The following CADM2 variants were observed in gnomAD, a reference collection of about 807,000 sequenced individuals.
CADM2 encodes cell adhesion molecule 2.
CADM2 carries 12 observed loss-of-function variants against 49.8 expected under a neutral mutation model. That is an observed-to-expected ratio of 0.24 (90% confidence interval 0.15 to 0.39). CADM2 has a LOEUF of 0.39. Among genes scored for constraint, CADM2 ranks in the 10% least tolerant of loss-of-function variants. CADM2 has a pLI of 1.00. For synonymous variants in CADM2, 214 were observed against 175.4 expected, an observed-to-expected ratio of 1.22 and a Z score of -1.74; for missense variants, 378 against 492.3, an observed-to-expected ratio of 0.77 and a Z score of 2.20.
chr3:85,315,517 ATAGT>A (rs912922830), intron 1 of CADM2, among the ~76,000 whole-genome samples: 11 of 152,180 alleles, frequency 7.2e-5, no homozygotes, highest in South Asian at 2.1e-4. Context: ...AAAACTGGTA[ATAGT>A]TAGAGTGTAG....
At chr3:85,381,291 CA>C (rs67566570) in intron 1 of CADM2, among the ~76,000 whole-genome samples, 13,865 of 151,496 alleles carry the variant, frequency 0.092, 2,050 homozygotes, top group African/African-American at 0.31. Context: ...GCTGGTTAGG[CA>C]TTACATGTAA....
At chr3:85,073,527 C>G (rs995771031) in intron 1 of CADM2, among the ~76,000 whole-genome samples, 2 of 152,094 alleles carry the variant, frequency 1.3e-5, no homozygotes, top group South Asian at 2.1e-4. Flanking sequence ...TGGAAACCCT[C>G]TAATGAATCC....
chr3:85,629,025 G>A (rs898741865), intron 1 of CADM2, among the ~76,000 whole-genome samples: 1 of 151,692 alleles, frequency 6.6e-6, no homozygotes, highest in Non-Finnish European at 1.5e-5. Flanking sequence ...CTTTATTTCA[G>A]ACAGAAATAT....
chr3:85,212,881 T>TCTTTCTTC (rs2041829325), intron 1 of CADM2, among the ~76,000 whole-genome samples: 4 of 134,368 alleles, frequency 3.0e-5, no homozygotes, highest in Admixed American at 2.2e-4. Flanking sequence ...TTTCTTTCTT[T>TCTTTCTTC]CTTTCTCTTT....
rs930416950 is a variant in CADM2, at chr3:86,068,850, T to C, written c.*2067T>C. ...ATGCTTGTTTTTACAGTTCACTCCA[T>C]ACCATCTGTGGAAAAATGCAATAAT... On this transcript the variant is annotated 3_prime_UTR_variant, in exon 10 of 10. Coordinates refer to ENST00000383699, the MANE Select transcript of CADM2 (RefSeq NM_001167675.2). 1.3e-5 allele frequency: 2 copies of C among 152,398 alleles called. No homozygotes were observed. The highest frequency in any genetic ancestry group is 2.9e-5 in the Non-Finnish European group (2 of 67,858). 9.4% of individuals were successfully genotyped at this position (152,398 alleles called of 1,614,324 possible). A position where few individuals can be genotyped will look rare whatever the true frequency, so the allele number is the denominator to read the frequency against.
chr3:85,663,277 A>G (rs1370922365), intron 1 of CADM2, among the ~76,000 whole-genome samples: 2 of 152,058 alleles, frequency 1.3e-5, no homozygotes, highest in African/African-American at 4.8e-5. Flanking sequence ...AAATTAACAC[A>G]CAGGCTTGCT....
intron 8 of CADM2, among the ~76,000 whole-genome samples, chr3:86,009,215 G>GTGTGTA (rs1731190907): frequency 6.9e-6 from 1 of 144,670 alleles, no homozygotes; most frequent in Non-Finnish European, 1.5e-5. Context: ...GTGTATGTGT[G>GTGTGTA]TGTATATATA....
intron 1 of CADM2, among the ~76,000 whole-genome samples, chr3:85,293,363 G>A (rs1419966734): frequency 1.3e-5 from 2 of 150,206 alleles, no homozygotes; most frequent in South Asian, 4.2e-4. Flanking sequence ...AGAGGTACAA[G>A]GAGGAACTGG....
chr3:85,462,109 T>G (rs930878572), intron 1 of CADM2, among the ~76,000 whole-genome samples: 1 of 152,128 alleles, frequency 6.6e-6, no homozygotes, highest in Non-Finnish European at 1.5e-5. Context: ...TCTAATTCTG[T>G]TCCCTCAAGA....
At chr3:85,132,074 T>C (rs1235260640) in intron 1 of CADM2, among the ~76,000 whole-genome samples, 4 of 152,218 alleles carry the variant, frequency 2.6e-5, no homozygotes, top group Admixed American at 2.6e-4. Flanking sequence ...GTGAGAATGT[T>C]TTCCTGAAAT....
chr3:85,369,687 A>C (rs2033056846), intron 1 of CADM2, among the ~76,000 whole-genome samples: 1 of 152,128 alleles, frequency 6.6e-6, no homozygotes, highest in Non-Finnish European at 1.5e-5. Flanking sequence ...TGTTCAACTA[A>C]AAGTTTTTTG....
chr3:86,037,775 A>G (rs960725176), intron 8 of CADM2, among the ~76,000 whole-genome samples: 1 of 152,190 alleles, frequency 6.6e-6, no homozygotes, highest in Non-Finnish European at 1.5e-5. Flanking sequence ...TCCAAAAACT[A>G]TTAGAAAATA....
chr3:85,325,869 T>G (rs2044737902), intron 1 of CADM2, among the ~76,000 whole-genome samples: 1 of 152,018 alleles, frequency 6.6e-6, no homozygotes, highest in South Asian at 2.1e-4. Flanking sequence ...AGAAAATGAG[T>G]AAAATTCTTA....
chr3:85,399,331 C>T (rs2034967125), intron 1 of CADM2, among the ~76,000 whole-genome samples: 1 of 152,108 alleles, frequency 6.6e-6, no homozygotes, highest in African/African-American at 2.4e-5. Context: ...GGGCTCTGTT[C>T]TGTTCCATTG....
chr3:85,765,316 C>T (rs1031886157), intron 2 of CADM2, among the ~76,000 whole-genome samples: 3 of 152,040 alleles, frequency 2.0e-5, no homozygotes, highest in African/African-American at 7.2e-5. Context: ...TTAAACCTTT[C>T]GAACTCCTGC....
intron 1 of CADM2, among the ~76,000 whole-genome samples, chr3:85,286,905 C>T (rs554389775): frequency 6.6e-6 from 1 of 152,036 alleles, no homozygotes; most frequent in Non-Finnish European, 1.5e-5. Flanking sequence ...CTTTAGTTAT[C>T]ATTCAATATC....
chr3:85,760,658 C>T (rs534987358), intron 2 of CADM2, among the ~76,000 whole-genome samples: 28 of 152,240 alleles, frequency 1.8e-4, no homozygotes, highest in African/African-American at 6.0e-4. Flanking sequence ...ACAGAATTTA[C>T]ACAAGGTAGC....
chr3:85,546,636 T>G (rs1309388351), intron 1 of CADM2, among the ~76,000 whole-genome samples: 2 of 152,088 alleles, frequency 1.3e-5, no homozygotes, highest in Non-Finnish European at 2.9e-5. Flanking sequence ...TGGTAGTAAA[T>G]TGAGTTGCAG....
intron 2 of CADM2, among the ~76,000 whole-genome samples, chr3:85,766,755 T>C (rs1284589013): frequency 6.6e-6 from 1 of 152,164 alleles, no homozygotes; most frequent in Admixed American, 6.6e-5. Flanking sequence ...GAGCTTTCAT[T>C]TTTTTTCTGT....
Sources: allele counts gnomAD v4.1 joint callset (sites outside exome capture counted in the v4.1 genomes callset), GRCh38; gene constraint gnomAD v4.1.1; transcripts MANE v1.5; gene names NCBI Gene and HGNC (gene_info 2026-07-23, HGNC 2026-07-21).